DIAPH3: variants seen among roughly 807,000 people sequenced by gnomAD.
DIAPH3 encodes diaphanous related formin 3.
In DIAPH3, 117 loss-of-function variants were observed where a neutral mutation model predicts 144.3. The observed-to-expected ratio is 0.81, with a 90% CI of 0.70 to 0.95. The LOEUF is 0.95. DIAPH3 is among the 40% of genes least tolerant of loss of function. DIAPH3 has a pLI of 0.00. For missense variants in DIAPH3, 1,421 were observed against 1,412.7 expected (o/e 1.01, Z -0.09); for synonymous variants, 519 against 488.9 (o/e 1.06, Z -0.81).
chr13:60,146,845 C>T (rs117628075), intron 1 of DIAPH3, among the ~76,000 whole-genome samples: 1 of 152,096 alleles, frequency 6.6e-6, no homozygotes, highest in East Asian at 1.9e-4. Context: ...AGCTGATAGC[C>T]ACAGGTAAGG....
chr13:59,727,789 C>G (rs1221631544), intron 27 of DIAPH3, among the ~76,000 whole-genome samples: 1 of 152,068 alleles, frequency 6.6e-6, no homozygotes, highest in African/African-American at 2.4e-5. Context: ...TTAAAAAGGC[C>G]TGGCTGCGGC....
At chr13:60,105,911 G>A (rs2058406594) in intron 3 of DIAPH3, among the ~76,000 whole-genome samples, 1 of 152,054 alleles carries the variant, frequency 6.6e-6, no homozygotes, top group South Asian at 2.1e-4. Flanking sequence ...TGACCCTTAA[G>A]ATATTCCTTG....
intron 17 of DIAPH3, among the ~76,000 whole-genome samples, chr13:59,937,372 T>C (rs1223254260): frequency 2.0e-5 from 3 of 152,154 alleles, no homozygotes; most frequent in Non-Finnish European, 4.4e-5. Flanking sequence ...ACATTCCTAA[T>C]TTAGAAGAAC....
chr13:60,118,538 A>G (rs2058754716), intron 2 of DIAPH3, among the ~76,000 whole-genome samples: 1 of 152,230 alleles, frequency 6.6e-6, no homozygotes, highest in Non-Finnish European at 1.5e-5. Context: ...ACATACCTGA[A>G]ATACAGAATA....
intron 25 of DIAPH3, among the ~76,000 whole-genome samples, chr13:59,776,879 G>A (rs1290106391): frequency 6.6e-6 from 1 of 151,960 alleles, no homozygotes; most frequent in African/African-American, 2.4e-5. Flanking sequence ...AACCAAGAAG[G>A]GTTGGATTGG....
intron 3 of DIAPH3, among the ~76,000 whole-genome samples, chr13:60,106,513 T>C (rs2058425694): frequency 6.6e-6 from 1 of 152,170 alleles, no homozygotes; most frequent in African/African-American, 2.4e-5. Context: ...CATAAAAAGT[T>C]TGATAAATCT....
intron 22 of DIAPH3, among the ~76,000 whole-genome samples, chr13:59,844,469 A>G (rs1476843144): frequency 6.7e-6 from 1 of 148,302 alleles, no homozygotes; most frequent in Non-Finnish European, 1.5e-5. Context: ...GCGCCACTGC[A>G]CTCCAGCCTG....
intron 25 of DIAPH3, among the ~76,000 whole-genome samples, chr13:59,789,416 T>C (rs1027893842): frequency 2.6e-5 from 4 of 150,960 alleles, no homozygotes; most frequent in Non-Finnish European, 1.5e-5. Flanking sequence ...GTTTTAGATT[T>C]GTTTTAGTAT....
intron 24 of DIAPH3, among the ~76,000 whole-genome samples, chr13:59,818,380 C>A (rs2040890920): frequency 6.6e-6 from 1 of 151,898 alleles, no homozygotes; most frequent in Admixed American, 6.6e-5. Context: ...TATGTTTGTG[C>A]ATCACTTAAA....
intron 4 of DIAPH3, among the ~76,000 whole-genome samples, chr13:60,057,543 A>G (rs922085029): frequency 2.0e-5 from 3 of 151,990 alleles, no homozygotes; most frequent in African/African-American, 4.8e-5. Flanking sequence ...TAGAAAAAGC[A>G]TTCCTAAAAT....
At chr13:59,987,038 C>T (rs139435351) in intron 12 of DIAPH3, among the ~76,000 whole-genome samples, 10,142 of 151,916 alleles carry the variant, frequency 0.067, 470 homozygotes, top group Middle Eastern at 0.11. Context: ...ATGTTTATTG[C>T]GGCATTATTC....
At chr13:60,066,025 AACAAG>A (rs1445477861) in intron 4 of DIAPH3, among the ~76,000 whole-genome samples, 13 of 152,180 alleles carry the variant, frequency 8.5e-5, no homozygotes, top group South Asian at 2.1e-4. Context: ...TTTCTTCAGA[AACAAG>A]ACAAGAAAAT....
chr13:59,729,467 G>A (rs191306158), intron 27 of DIAPH3, among the ~76,000 whole-genome samples: 6 of 152,152 alleles, frequency 3.9e-5, no homozygotes, highest in African/African-American at 1.4e-4. Context: ...GTTGTGTGTG[G>A]GGTGAGGAGG....
Position 59,970,956 on chromosome 13 carries a change from G to A in DIAPH3, c.1855C>T (p.Leu619Phe). The A allele has an allele frequency of 6.2e-7, 1 of 1,613,910 alleles. No homozygotes were observed. The highest frequency in any genetic ancestry group is 8.5e-7 in the Non-Finnish European group (1 of 1,179,966). ...PVPPPPPLGF[L>F]GGQNSPPLPI... ...AGAGGAGGAGAATTTTGTCCTCCAA[G>A]GAATCCCAGGGGAGGTGGTGGAGGC... is the stretch of plus-strand genomic sequence containing the variant. The change falls in exon 16 of 28, where the codon CTT becomes TTT. Residue 619 changes from leucine to phenylalanine, a missense_variant. Coordinates refer to ENST00000400324, the MANE Select transcript of DIAPH3 (RefSeq NM_001042517.2).
At chr13:59,840,401 T>A (rs2042274115) in intron 22 of DIAPH3, among the ~76,000 whole-genome samples, 1 of 152,144 alleles carries the variant, frequency 6.6e-6, no homozygotes. Flanking sequence ...ATTCAAGTTT[T>A]ATCTATAAGG....
In DIAPH3 at chr13:59,833,278, T is replaced by C. The variant is rs1033288723; in HGVS notation, c.2863-7A>G. On this transcript the variant is annotated splice_region_variant and splice_polypyrimidine_tract_variant and intron_variant, in intron 23 of 27. Coordinates refer to ENST00000400324, the MANE Select transcript of DIAPH3 (RefSeq NM_001042517.2). ...TTGCACTGATAACAAATCTGTATAC[T>C]ATAGTTAAGGTATTCTGAAATTTAC... 24 of 1,600,586 alleles carry C rather than the reference T, an allele frequency of 1.5e-5. No individual in the cohort carries two copies. Among genetic ancestry groups the C allele is most frequent in the Non-Finnish European group, 1.8e-5 (21 of 1,171,248 alleles).
At chr13:59,783,946 T>G (rs1376826218) in intron 25 of DIAPH3, among the ~76,000 whole-genome samples, 1 of 152,180 alleles carries the variant, frequency 6.6e-6, no homozygotes, top group Non-Finnish European at 1.5e-5. Flanking sequence ...AAAGGTGCTT[T>G]TAAGAGGAAA....
At chr13:59,695,690 T>C (rs2033762797) in intron 27 of DIAPH3, among the ~76,000 whole-genome samples, 1 of 152,206 alleles carries the variant, frequency 6.6e-6, no homozygotes, top group Non-Finnish European at 1.5e-5. Context: ...AATACTGAAA[T>C]GTACACTTTA....
chr13:59,992,873 C>T (rs2051929364), intron 9 of DIAPH3, among the ~76,000 whole-genome samples: 1 of 144,452 alleles, frequency 6.9e-6, no homozygotes, highest in Non-Finnish European at 1.5e-5. Flanking sequence ...ACACTTGTAA[C>T]CAAAAGCTAA....
Sources: gnomAD v4.1 joint callset for allele counts (sites outside exome capture counted in the v4.1 genomes callset) on GRCh38, gnomAD v4.1.1 for gene constraint, MANE v1.5 for transcripts, NCBI Gene and HGNC (gene_info 2026-07-23, HGNC 2026-07-21) for gene names.